The following TSPEAR variants were observed in gnomAD, a reference collection of about 807,000 sequenced individuals.
TSPEAR encodes thrombospondin type laminin G domain and EAR repeats.
TSPEAR carries 69 observed loss-of-function variants against 71.6 expected under a neutral mutation model. The ratio of observed to expected loss-of-function variants is 0.96; its 90% confidence interval spans 0.79 to 1.18. The LOEUF is 1.18. Among genes scored for constraint, TSPEAR ranks in the 50% most tolerant of loss-of-function variants. TSPEAR has a pLI of 0.00. For missense variants in TSPEAR, 971 were observed against 894.9 expected (o/e 1.09, Z -1.09); for synonymous variants, 402 against 387.2 (o/e 1.04, Z -0.45).
At chr21:44,511,480 A>C (rs1027271017) in intron 9 of TSPEAR, among the ~76,000 whole-genome samples, 1 of 152,156 alleles carries the variant, frequency 6.6e-6, no homozygotes, top group Admixed American at 6.6e-5. Flanking sequence ...ATGTATACCT[A>C]CACACACGTA....
chr21:44,688,079 TAAAG>T (rs1464165744), intron 1 of TSPEAR, among the ~76,000 whole-genome samples: 5 of 152,134 alleles, frequency 3.3e-5, no homozygotes, highest in South Asian at 2.1e-4. Flanking sequence ...AAAATGAAAA[TAAAG>T]ATAGTTTTTA....
At position 44,542,760 on chromosome 21, in the gene TSPEAR, A is replaced by G. The variant is rs587712585; in HGVS notation, c.304-8837T>C. On this transcript the variant is annotated intron_variant, in intron 2 of 11. Transcript: ENST00000323084. ...GACCTGTTAAAAAAAAAAAAAAAAG[A>G]AAAAGAAAAGAAAAAAGAAAAAGAA... Among the ~76,000 whole-genome samples the G allele has an allele frequency of 2.2e-3, 321 of 142,692 alleles. 1 individual carries two copies. Among genetic ancestry groups the G allele is most frequent in the Middle Eastern group, 7.0e-3 (2 of 284 alleles). 93.6% of individuals were successfully genotyped at this position (142,692 alleles called of 152,430 possible).
At chr21:44,681,362 G>T (rs1986577523) in intron 1 of TSPEAR, among the ~76,000 whole-genome samples, 1 of 152,190 alleles carries the variant, frequency 6.6e-6, no homozygotes, top group South Asian at 2.1e-4. Flanking sequence ...CCACAGGCGG[G>T]TAAGTCACCG....
rs370932773 is a variant in TSPEAR, at chr21:44,646,853, G to T, written c.82+64580C>A. On this transcript the variant is annotated intron_variant, in intron 1 of 11. Coordinates refer to ENST00000323084, the MANE Select transcript of TSPEAR (RefSeq NM_144991.3). Reference sequence around the variant, plus strand: ...TCTTCGTGCTGCCGGCAGTCTAGCTGCCAGCCAGCTTGCTGTGCCTCTTCC... The same window carrying T: ...TCTTCGTGCTGCCGGCAGTCTAGCTTCCAGCCAGCTTGCTGTGCCTCTTCC... 258 of 1,577,378 alleles carry T rather than the reference G, an allele frequency of 1.6e-4. 1 individual carries two copies. The highest frequency in any genetic ancestry group is 2.1e-4 in the Non-Finnish European group (249 of 1,160,654).
At chr21:44,633,014 T>C (rs1203523145) in intron 1 of TSPEAR, among the ~76,000 whole-genome samples, 1 of 152,140 alleles carries the variant, frequency 6.6e-6, no homozygotes, top group African/African-American at 2.4e-5. Flanking sequence ...TATGTGTTAG[T>C]GTACAATTGT....
intron 1 of TSPEAR, among the ~76,000 whole-genome samples, chr21:44,615,292 G>A (rs1982004182): frequency 6.6e-6 from 1 of 152,256 alleles, no homozygotes; most frequent in Admixed American, 6.5e-5. Context: ...GCGCTCACCC[G>A]ACCCGCACAC....
intron 1 of TSPEAR, among the ~76,000 whole-genome samples, chr21:44,633,639 A>C (rs2146212460): frequency 6.6e-6 from 1 of 152,218 alleles, no homozygotes; most frequent in South Asian, 2.1e-4. Context: ...TGTTTTTTGG[A>C]CTAACATATG....
chr21:44,508,763 G>T, intron 10 of TSPEAR: 1 of 1,283,176 alleles, frequency 7.8e-7, no homozygotes, highest in Non-Finnish European at 1.0e-6. Flanking sequence ...TGTCGGGGAG[G>T]ATGCAACATC....
intron 9 of TSPEAR, chr21:44,518,289 C>A: frequency 2.1e-6 from 1 of 469,428 alleles, no homozygotes; most frequent in South Asian, 1.6e-5. Flanking sequence ...CATCCGGGGA[C>A]CCTTAGCTGG....
chr21:44,606,539 T>G (rs1794972786), intron 1 of TSPEAR, among the ~76,000 whole-genome samples: 1 of 152,250 alleles, frequency 6.6e-6, no homozygotes, highest in Non-Finnish European at 1.5e-5. Context: ...CTAAAATAAC[T>G]GAAATCATTC....
At position 44,642,685 on chromosome 21, in the gene TSPEAR, T is replaced by C. The variant is rs995357854; in HGVS notation, c.82+68748A>G. 2.6e-5 allele frequency among the ~76,000 whole-genome samples: 4 copies of C among 151,902 alleles called. No individual in the cohort carries two copies. Among genetic ancestry groups the C allele is most frequent in the Admixed American group, 2.6e-4 (4 of 15,266 alleles). The stretch of plus-strand genomic sequence containing the variant: ...GGTGAAACCCCGTCTCTACTAAAAA[T>C]ACAAAAATTGGCCAGGTGTGGTGGC... On this transcript the variant is annotated intron_variant, in intron 1 of 11. Coordinates refer to ENST00000323084, the MANE Select transcript of TSPEAR (RefSeq NM_144991.3). This position sits in a 1 kb window ranked among gnomAD's most constrained non-coding sequence, Gnocchi z 4.1.
In TSPEAR at chr21:44,525,744, T is replaced by G. The variant is rs1555914858; in HGVS notation, c.1245A>C (p.Pro415=). The G allele has an allele frequency of 6.2e-7, 1 of 1,614,016 alleles. No homozygotes were observed. The highest frequency in any genetic ancestry group is 8.5e-7 in the Non-Finnish European group (1 of 1,180,028). Residue 415 remains proline, a synonymous_variant, in exon 8 of 12, where the codon CCA becomes CCC. Transcript: ENST00000323084. ...CGCTGTGTGTGGCAATGCTCTGATATGGGGTAAACTTCAGCTTTCTGTGGC... is the reference window on the plus strand; with the variant it reads ...CGCTGTGTGTGGCAATGCTCTGATAGGGGGTAAACTTCAGCTTTCTGTGGC... ...KWSHRKLKFT[P]YQSIATHSAR...
At chr21:44,615,882 G>A (rs1040634230) in intron 1 of TSPEAR, among the ~76,000 whole-genome samples, 1 of 152,242 alleles carries the variant, frequency 6.6e-6, no homozygotes, top group Non-Finnish European at 1.5e-5. Flanking sequence ...CAGACCCTGA[G>A]CATTCTGGAC....
chr21:44,678,154 G>A (rs1555947324), intron 1 of TSPEAR: 2 of 540,270 alleles, frequency 3.7e-6, no homozygotes, highest in South Asian at 2.1e-5. Context: ...GTGGAGGCAT[G>A]TGTACATATG....
intron 1 of TSPEAR, among the ~76,000 whole-genome samples, chr21:44,640,404 G>A (rs918943393): frequency 1.3e-5 from 2 of 152,376 alleles, no homozygotes; most frequent in East Asian, 3.9e-4. Flanking sequence ...CTCATGAGGA[G>A]TGACTGCTTA....
At chr21:44,591,728 G>A (rs782341434) in intron 1 of TSPEAR, 8 of 1,596,436 alleles carry the variant, frequency 5.0e-6, no homozygotes, top group Non-Finnish European at 6.8e-6. Context: ...CAGCTAGACT[G>A]CTGGCAGCAT....
intron 1 of TSPEAR, chr21:44,627,976 T>C: frequency 6.5e-7 from 1 of 1,529,394 alleles, no homozygotes; most frequent in Non-Finnish European, 8.9e-7. Flanking sequence ...CTCCTGTGTG[T>C]CCCTTCTCTG....
intron 1 of TSPEAR, among the ~76,000 whole-genome samples, chr21:44,613,819 G>C (rs781975394): frequency 6.6e-6 from 1 of 152,134 alleles, no homozygotes; most frequent in Non-Finnish European, 1.5e-5. Context: ...CGCCGCCCCT[G>C]CCCCTGAAAT....
intron 1 of TSPEAR, chr21:44,677,045 G>A: frequency 1.2e-6 from 1 of 800,982 alleles, no homozygotes; most frequent in Non-Finnish European, 2.2e-6. Flanking sequence ...AAGTCATCCT[G>A]AGCTTGGCCC....
Sources: allele counts gnomAD v4.1 joint callset (sites outside exome capture counted in the v4.1 genomes callset), GRCh38; gene constraint gnomAD v4.1.1; non-coding constraint Gnocchi (gnomAD v3.1); transcripts MANE v1.5; gene names NCBI Gene and HGNC (gene_info 2026-07-23, HGNC 2026-07-21).